The following TRMT44 variants were observed in gnomAD, a reference collection of about 807,000 sequenced individuals.
TRMT44 encodes probable tRNA (uracil-O(2)-)-methyltransferase.
Under a neutral mutation model 77.3 loss-of-function variants are expected in TRMT44, and 78 were observed. The observed-to-expected ratio is 1.01, with a 90% confidence interval of 0.84 to 1.22. The LOEUF (loss-of-function observed/expected upper bound fraction) is 1.22, where lower values mean the gene tolerates loss of function less well. Ranked by LOEUF, TRMT44 falls within the 50% of genes most tolerant of loss-of-function variation. The probability of loss-of-function intolerance (pLI) is 0.00; values close to 1 mark genes in which losing one functional copy is unlikely to be tolerated. For missense variants in TRMT44, 1,090 were observed against 964.4 expected (o/e 1.13, Z -1.73); for synonymous variants, 391 against 383.3 (o/e 1.02, Z -0.23).
Position 8,476,094 on chromosome 4 carries a change from G to C in TRMT44, c.*93G>C. On this transcript the variant is annotated 3_prime_UTR_variant, in exon 11 of 11. Transcript: ENST00000389737. ...CAGTGCTGTGGTCTCTGCTCTGGCT[G>C]TGTTTCAGCCCACCTCCTCCCAGCT... 1 of 1,196,800 alleles carries C rather than the reference G, an allele frequency of 8.4e-7. No homozygotes were observed. Among genetic ancestry groups the C allele is most frequent in the Non-Finnish European group, 1.2e-6 (1 of 841,158 alleles). The allele number at this position is 1,196,800 out of a possible 1,614,324, so 74.1% of individuals were successfully genotyped here. A position where few individuals can be genotyped will look rare whatever the true frequency, so the allele number is the denominator to read the frequency against.
At position 8,485,593 on chromosome 4, in the gene TRMT44, A is replaced by T. The variant is rs556765306; in HGVS notation, n.3891+6060A>T. 4.5e-4 allele frequency among the ~76,000 whole-genome samples: 68 copies of T among 152,126 alleles called. 1 individual carries two copies. Among genetic ancestry groups the T allele is most frequent in the South Asian group, 2.5e-3 (12 of 4,810 alleles). On this transcript the variant is annotated intron_variant and non_coding_transcript_variant, in intron 2 of 2. Coordinates refer to the TRMT44 transcript ENST00000511366. ...ATGGGCATGTGATCGGTTGCCAGGGAAGGAGTAGAGATGTCCCATACTTGT... is the reference window on the plus strand; with the variant it reads ...ATGGGCATGTGATCGGTTGCCAGGGTAGGAGTAGAGATGTCCCATACTTGT...
chr4:8,458,054 T>G (rs1469327005), intron 6 of TRMT44, among the ~76,000 whole-genome samples: 1 of 150,628 alleles, frequency 6.6e-6, no homozygotes, highest in Admixed American at 6.6e-5. Flanking sequence ...AAAGAGACAG[T>G]GCCAGAAAGC....
intron 6 of TRMT44, among the ~76,000 whole-genome samples, chr4:8,460,354 G>A (rs1027599320): frequency 1.3e-5 from 2 of 152,096 alleles, no homozygotes; most frequent in African/African-American, 4.8e-5. Flanking sequence ...GAGAATGTCA[G>A]GAATATACAA....
rs367563058 is a variant in TRMT44 at position 8,472,703 on chromosome 4, G to C, written c.2044+1503G>C. On this transcript the variant is annotated intron_variant, in intron 10 of 10. Transcript: ENST00000389737. The stretch of plus-strand genomic sequence containing the variant: ...GGGCCGGTGAGCATGGTTGGAGCCT[G>C]TGTTTCTCGGGGCAGGCGCAGAAGC... Among the ~76,000 whole-genome samples, 153 of 152,338 alleles carry C rather than the reference G, an allele frequency of 1.0e-3. 1 individual carries two copies. The highest frequency in any genetic ancestry group is 3.2e-3 in the African/African-American group (134 of 41,566).
At chr4:8,487,994 A>G (rs1727870578) in intron 2 of TRMT44, among the ~76,000 whole-genome samples, 1 of 152,146 alleles carries the variant, frequency 6.6e-6, no homozygotes, top group African/African-American at 2.4e-5. Context: ...CTACCAGAAA[A>G]TGAAAGGAAT....
intron 3 of TRMT44, 112 bp downstream of exon 3, chr4:8,450,000 C>A (rs533474285): frequency 1.7e-5 from 11 of 633,282 alleles, no homozygotes; most frequent in South Asian, 1.1e-4. Flanking sequence ...TGTCACCCCC[C>A]CAAAAAAAAG....
At chr4:8,464,382 C>T (rs575034668) in intron 7 of TRMT44, among the ~76,000 whole-genome samples, 107 of 152,240 alleles carry the variant, frequency 7.0e-4, no homozygotes, top group African/African-American at 2.4e-3. Flanking sequence ...ATTACTTCTA[C>T]GGTATTTATA....
chr4:8,489,648 T>C (rs972508236), intron 2 of TRMT44, among the ~76,000 whole-genome samples: 1 of 152,132 alleles, frequency 6.6e-6, no homozygotes, highest in Non-Finnish European at 1.5e-5. Flanking sequence ...GGCTAATTTT[T>C]TGTATTTTTA....
intron 8 of TRMT44, among the ~76,000 whole-genome samples, chr4:8,467,300 G>A (rs538689735): frequency 6.6e-5 from 10 of 152,202 alleles, no homozygotes; most frequent in Non-Finnish European, 8.8e-5. Flanking sequence ...GGGCGGCAGC[G>A]GGAAACTAGG....
chr4:8,452,815 G>T lies in TRMT44; in HGVS notation c.1024-67G>T. 1.2e-6 allele frequency: 1 copy of T among 832,922 alleles called. No homozygotes were observed. The highest frequency in any genetic ancestry group is 1.8e-6 in the Non-Finnish European group (1 of 549,040). The allele number at this position is 832,922 out of a possible 1,614,324, so 51.6% of individuals were successfully genotyped here. The stretch of plus-strand genomic sequence containing the variant: ...ACTCAGAGTTTTCTTTGACCAGTTT[G>T]TGTCTAAATTATTCTTGCGTAGAGT... On this transcript the variant is annotated intron_variant, in intron 4 of 10. Transcript: ENST00000389737. This position sits in a 1 kb window ranked among gnomAD's most constrained non-coding sequence, Gnocchi z 5.7.
chr4:8,484,631 T>G (rs574270374), intron 2 of TRMT44, among the ~76,000 whole-genome samples: 1 of 152,216 alleles, frequency 6.6e-6, no homozygotes, highest in South Asian at 2.1e-4. Context: ...TGAAAAGGGT[T>G]GGGATGAGTC....
downstream of TRMT44, among the ~76,000 whole-genome samples, chr4:8,480,056 G>C (rs549505104): frequency 6.6e-6 from 1 of 152,104 alleles, no homozygotes; most frequent in Admixed American, 6.5e-5. Flanking sequence ...GGCTGGTCTT[G>C]AACTCCTGGA....
chr4:8,514,130 C>T, the TRMT44 span, among the ~76,000 whole-genome samples: 8 of 152,132 alleles, frequency 5.3e-5, no homozygotes, highest in Non-Finnish European at 1.2e-4. Context: ...ACGTGTTCCA[C>T]ACGTGCAACA....
rs531995750 is a variant in TRMT44 at position 8,467,274 on chromosome 4, C to T, written c.1495-640C>T. On this transcript the variant is annotated intron_variant, in intron 8 of 10. Coordinates refer to ENST00000389737, the MANE Select transcript of TRMT44 (RefSeq NM_152544.3). The stretch of plus-strand genomic sequence containing the variant: ...TCAGCATGTGCCCCCGCCGGGCGGC[C>T]GAGGGGTGGAATGAGGGGCGGCAGC... Among the ~76,000 whole-genome samples, 4 of 152,240 alleles carry T rather than the reference C, an allele frequency of 2.6e-5. No homozygotes were observed. The East Asian group carries it at 5.8e-4, about 22-fold the overall frequency.
At chr4:8,494,676 T>G (rs1261131021), downstream of TRMT44, among the ~76,000 whole-genome samples, 1 of 152,210 alleles carries the variant, frequency 6.6e-6, no homozygotes, top group Non-Finnish European at 1.5e-5. Flanking sequence ...TGAGTGCATG[T>G]CATCAGGACC....
chr4:8,513,169 T>C, the TRMT44 span, among the ~76,000 whole-genome samples: 1 of 152,240 alleles, frequency 6.6e-6, no homozygotes, highest in Admixed American at 6.5e-5. Flanking sequence ...TACCTGAGAC[T>C]GGGCAATTTA....
chr4:8,468,202 G>C lies in TRMT44; in HGVS notation c.1783G>C (p.Ala595Pro), dbSNP rs1448354416. 1.9e-6 allele frequency: 3 copies of C among 1,614,232 alleles called. No homozygotes were observed. The highest frequency in any genetic ancestry group is 3.3e-4 in the Middle Eastern group (2 of 6,062). The change falls in exon 9 of 11, where the codon GCT becomes CCT. Residue 595 changes from alanine to proline, a missense_variant. Ala to Pro is a conservative substitution (Grantham distance 27). Coordinates refer to ENST00000389737, the MANE Select transcript of TRMT44 (RefSeq NM_152544.3). ...WLPGFHPREK[A>P]ERVRNCAALP... ...ACCTGGATTTCATCCCAGAGAAAAG[G>C]CTGAGCGTGTGAGGAACTGTGCCGC...
chr4:8,441,168 G>A lies in TRMT44; in HGVS notation c.346G>A (p.Ala116Thr), dbSNP rs1433066097. The change falls in exon 1 of 11, where the codon GCC (alanine) becomes ACC (threonine). Residue 116 changes from alanine to threonine, a missense_variant. Transcript: ENST00000389737. ...CCAGCAAGAGGAGGCACAGAGGGAAGCCGCCTCAGTGCCCCTGAGGGACTC... is the reference window on the plus strand; with the variant it reads ...CCAGCAAGAGGAGGCACAGAGGGAAACCGCCTCAGTGCCCCTGAGGGACTC... ...QCQQEEAQRE[A>T]ASVPLRDSGH... 2.6e-6 allele frequency: 4 copies of A among 1,529,692 alleles called. No individual in the cohort carries two copies. The highest frequency in any genetic ancestry group is 2.6e-6 in the Non-Finnish European group (3 of 1,142,534). 94.8% of individuals were successfully genotyped at this position (1,529,692 alleles called of 1,614,324 possible).
At chr4:8,457,021 C>CA (rs1560227901) in intron 6 of TRMT44, among the ~76,000 whole-genome samples, 2 of 37,548 alleles carry the variant, frequency 5.3e-5, no homozygotes, top group Admixed American at 2.4e-4. Context: ...ACACCCGCCC[C>CA]CCCCCCCCAA....
Sources: gnomAD v4.1 joint callset for allele counts (sites outside exome capture counted in the v4.1 genomes callset) on GRCh38, gnomAD v4.1.1 for gene constraint, Gnocchi (gnomAD v3.1) non-coding constraint, MANE v1.5 for transcripts, NCBI Gene and HGNC (gene_info 2026-07-23, HGNC 2026-07-21) for gene names.